The following FHIT variants were observed in gnomAD, a reference collection of about 807,000 sequenced individuals.
FHIT encodes bis(5'-adenosyl)-triphosphatase.
FHIT carries 19 observed loss-of-function variants against 17.9 expected under a neutral mutation model. The ratio of observed to expected loss-of-function variants is 1.06; its 90% CI spans 0.74 to 1.56. FHIT has a LOEUF of 1.56. Among genes scored for constraint, FHIT ranks in the 40% most tolerant of loss-of-function variants. The pLI, the probability that FHIT is intolerant of heterozygous loss-of-function variation, is 0.00. For missense variants in FHIT, 248 were observed against 189.2 expected, an observed-to-expected ratio of 1.31 and a Z score of -1.82; for synonymous variants, 81 against 69.7, an observed-to-expected ratio of 1.16 and a Z score of -0.81.
chr3:59,807,695 C>G (rs955567133), intron 8 of FHIT, among the ~76,000 whole-genome samples: 1 of 152,034 alleles, frequency 6.6e-6, no homozygotes, highest in South Asian at 2.1e-4. Context: ...TTGGAGGGTA[C>G]CCAGGATCAG....
At chr3:59,851,618 G>A (rs932148764) in intron 8 of FHIT, among the ~76,000 whole-genome samples, 3 of 152,116 alleles carry the variant, frequency 2.0e-5, no homozygotes, top group Non-Finnish European at 4.4e-5. Context: ...AGTCATTGTT[G>A]CAAAGCTCAT....
intron 2 of FHIT, among the ~76,000 whole-genome samples, chr3:61,148,933 G>C (rs1476485475): frequency 2.0e-5 from 3 of 152,178 alleles, no homozygotes; most frequent in Non-Finnish European, 4.4e-5. Flanking sequence ...ATATGCCCCA[G>C]TGGGGACTGC....
chr3:61,049,447 T>C (rs1041582247), intron 2 of FHIT, among the ~76,000 whole-genome samples: 1 of 152,050 alleles, frequency 6.6e-6, no homozygotes, highest in Non-Finnish European at 1.5e-5. Context: ...ATAAGACCTA[T>C]ATCCAGATAT....
chr3:60,277,431 T>C (rs1707202343), intron 5 of FHIT, among the ~76,000 whole-genome samples: 1 of 152,200 alleles, frequency 6.6e-6, no homozygotes, highest in Admixed American at 6.5e-5. Flanking sequence ...TGCCAGCAGT[T>C]GTGCCAATAA....
intron 5 of FHIT, among the ~76,000 whole-genome samples, chr3:60,289,275 A>G (rs1311954265): frequency 2.0e-5 from 3 of 152,212 alleles, no homozygotes; most frequent in Non-Finnish European, 4.4e-5. Flanking sequence ...TTCATTGGAC[A>G]TATACCTACA....
intron 3 of FHIT, among the ~76,000 whole-genome samples, chr3:60,993,195 A>G (rs952966774): frequency 2.0e-5 from 3 of 152,224 alleles, no homozygotes; most frequent in Non-Finnish European, 4.4e-5. Context: ...ATTTTCCTGG[A>G]AAAACACTAT....
At chr3:60,098,129 G>C (rs1576094080) in intron 5 of FHIT, among the ~76,000 whole-genome samples, 2 of 142,688 alleles carry the variant, frequency 1.4e-5, no homozygotes, top group South Asian at 5.0e-4. Flanking sequence ...TGGACATTTG[G>C]GTTGGTTCCA....
At chr3:61,212,799 A>G (rs1305473564) in intron 1 of FHIT, among the ~76,000 whole-genome samples, 3 of 152,260 alleles carry the variant, frequency 2.0e-5, no homozygotes, top group Admixed American at 1.3e-4. Flanking sequence ...CTAACAGCGG[A>G]TATCTCGGCA....
chr3:60,287,374 A>G (rs1353735531), intron 5 of FHIT, among the ~76,000 whole-genome samples: 3 of 151,960 alleles, frequency 2.0e-5, no homozygotes, highest in African/African-American at 7.2e-5. Context: ...TCACCATGTT[A>G]GCCAGGCTGG....
chr3:59,998,072 G>C (rs1575848320), intron 7 of FHIT, among the ~76,000 whole-genome samples: 1 of 151,920 alleles, frequency 6.6e-6, no homozygotes, highest in East Asian at 1.9e-4. Context: ...GTAGAAATCT[G>C]TTAGCCACTT....
intron 5 of FHIT, among the ~76,000 whole-genome samples, chr3:60,252,209 G>T (rs147964617): frequency 6.6e-6 from 1 of 152,102 alleles, no homozygotes; most frequent in East Asian, 1.9e-4. Context: ...TGAATCAGAC[G>T]AGAGGAAATA....
intron 5 of FHIT, among the ~76,000 whole-genome samples, chr3:60,366,997 C>T (rs1469496267): frequency 1.3e-5 from 2 of 152,110 alleles, no homozygotes; most frequent in Non-Finnish European, 2.9e-5. Flanking sequence ...TTCTACTTTG[C>T]CCCATTATAT....
chr3:60,923,958 T>G (rs1397830928), intron 3 of FHIT, among the ~76,000 whole-genome samples: 1 of 152,104 alleles, frequency 6.6e-6, no homozygotes, highest in African/African-American at 2.4e-5. Flanking sequence ...GCCTCCCTCA[T>G]TGCTAGGAAA....
chr3:60,083,353 T>C (rs1485500618), intron 5 of FHIT, among the ~76,000 whole-genome samples: 16 of 152,204 alleles, frequency 1.1e-4, no homozygotes, highest in Admixed American at 1.0e-3. Flanking sequence ...TTTTGGTTAA[T>C]GTAGCCTTAT....
At chr3:60,368,618 T>A (rs2107043080) in intron 5 of FHIT, among the ~76,000 whole-genome samples, 1 of 152,256 alleles carries the variant, frequency 6.6e-6, no homozygotes, top group Admixed American at 6.5e-5. Flanking sequence ...AGTCTGTAGC[T>A]TGCCTTTTTA....
At chr3:60,477,200 T>C (rs9856092) in intron 5 of FHIT, among the ~76,000 whole-genome samples, 47,053 of 150,430 alleles carry the variant, frequency 0.31, 7,873 homozygotes, top group South Asian at 0.54. Flanking sequence ...GTCTTCAAAA[T>C]GGATTTTTTT....
At chr3:60,552,392 G>T (rs868745221) in intron 4 of FHIT, among the ~76,000 whole-genome samples, 6 of 152,130 alleles carry the variant, frequency 3.9e-5, no homozygotes, top group Non-Finnish European at 8.8e-5. Context: ...ACATTTTAAG[G>T]AACTGCCAAG....
chr3:60,443,899 A>T (rs574533028), intron 5 of FHIT, among the ~76,000 whole-genome samples: 2 of 152,188 alleles, frequency 1.3e-5, no homozygotes, highest in Non-Finnish European at 2.9e-5. Context: ...ATCAGAGTGA[A>T]CAGGCAACCT....
intron 8 of FHIT, among the ~76,000 whole-genome samples, chr3:59,833,175 T>C (rs1314150161): frequency 6.6e-6 from 1 of 152,074 alleles, no homozygotes; most frequent in Admixed American, 6.6e-5. Context: ...TTGAACTGGG[T>C]TCCTTCTCCA....
Sources: gnomAD v4.1 joint callset for allele counts (sites outside exome capture counted in the v4.1 genomes callset) on GRCh38, gnomAD v4.1.1 for gene constraint, MANE v1.5 for transcripts, NCBI Gene and HGNC (gene_info 2026-07-23, HGNC 2026-07-21) for gene names.